Variants in LRRC4C observed in about 807,000 individuals in gnomAD.
LRRC4C encodes the protein leucine-rich repeat-containing protein 4C.
Under a neutral mutation model 33.6 loss-of-function variants are expected in LRRC4C, and 5 were observed. The observed-to-expected ratio is 0.15, with a 90% confidence interval of 0.08 to 0.31. LRRC4C has a LOEUF of 0.31. Among genes scored for constraint, LRRC4C ranks in the 10% least tolerant of loss-of-function variants. The probability of loss-of-function intolerance (pLI) is 1.00; values close to 1 mark genes in which losing one functional copy is unlikely to be tolerated. For synonymous variants in LRRC4C, 329 were observed against 302.0 expected (o/e 1.09, Z -0.93); for missense variants, 560 against 796.7 (o/e 0.70, Z 3.58).
chr11:40,418,727 T>C (rs1950416580), intron 3 of LRRC4C, among the ~76,000 whole-genome samples: 1 of 152,160 alleles, frequency 6.6e-6, no homozygotes, highest in Non-Finnish European at 1.5e-5. Flanking sequence ...CCATCAATGA[T>C]AGACTGGATA....
At chr11:40,163,083 G>A (rs1350809173) in intron 5 of LRRC4C, among the ~76,000 whole-genome samples, 26 of 152,188 alleles carry the variant, frequency 1.7e-4, no homozygotes, top group Non-Finnish European at 1.5e-4. Flanking sequence ...CATGCCATTT[G>A]TCACAGAGCC....
chr11:40,492,040 T>G (rs1343756843), intron 3 of LRRC4C, among the ~76,000 whole-genome samples: 1 of 152,204 alleles, frequency 6.6e-6, no homozygotes, highest in East Asian at 1.9e-4. Context: ...GTCTTGCACA[T>G]ACACCTAATT....
intron 1 of LRRC4C, among the ~76,000 whole-genome samples, chr11:41,355,686 G>A (rs977041339): frequency 4.6e-5 from 7 of 151,722 alleles, no homozygotes; most frequent in Non-Finnish European, 8.8e-5. Flanking sequence ...TATCACATAC[G>A]GTATTTCTAA....
chr11:40,759,230 AT>A (rs1949082511), intron 2 of LRRC4C, among the ~76,000 whole-genome samples: 1 of 147,416 alleles, frequency 6.8e-6, no homozygotes, highest in African/African-American at 2.5e-5. Context: ...CATATATTAT[AT>A]TATATATATT....
At chr11:40,459,724 G>A (rs1021350328) in intron 3 of LRRC4C, among the ~76,000 whole-genome samples, 2 of 152,152 alleles carry the variant, frequency 1.3e-5, no homozygotes, top group Non-Finnish European at 2.9e-5. Context: ...CTCTATTTGG[G>A]AGTCTGAATT....
chr11:40,922,783 G>C (rs1957238621), intron 2 of LRRC4C, among the ~76,000 whole-genome samples: 1 of 152,192 alleles, frequency 6.6e-6, no homozygotes, highest in African/African-American at 2.4e-5. Context: ...ATAGTTGATT[G>C]TGTTGGGTAG....
At chr11:40,299,141 T>A (rs1944652985) in intron 4 of LRRC4C, among the ~76,000 whole-genome samples, 1 of 152,182 alleles carries the variant, frequency 6.6e-6, no homozygotes, top group Non-Finnish European at 1.5e-5. Flanking sequence ...TGGGGTTTGC[T>A]GGAAAGAAAA....
At chr11:41,199,890 G>A (rs996749273) in intron 1 of LRRC4C, among the ~76,000 whole-genome samples, 1 of 152,126 alleles carries the variant, frequency 6.6e-6, no homozygotes, top group African/African-American at 2.4e-5. Context: ...AGAAAGCCCA[G>A]ATAAAATATA....
intron 2 of LRRC4C, among the ~76,000 whole-genome samples, chr11:40,740,926 G>T (rs1010987158): frequency 6.6e-6 from 1 of 151,926 alleles, no homozygotes; most frequent in Non-Finnish European, 1.5e-5. Context: ...AAGACCATTT[G>T]ACTGTAAAAG....
intron 2 of LRRC4C, among the ~76,000 whole-genome samples, chr11:40,883,977 T>C (rs1845275713): frequency 6.6e-6 from 1 of 151,890 alleles, no homozygotes; most frequent in Admixed American, 6.6e-5. Context: ...ACATATGCTA[T>C]GGTGGTTTGC....
Position 40,902,125 on chromosome 11 carries a change from C to T in LRRC4C, c.-407+31510G>A, listed in dbSNP as rs189300759. On this transcript the variant is annotated intron_variant, in intron 2 of 6. Coordinates refer to ENST00000528697, the MANE Select transcript of LRRC4C (RefSeq NM_001258419.2). The stretch of plus-strand genomic sequence containing the variant: ...ATGTTTACATTTTGGAATTTTGTGG[C>T]AACCTTGCATTGAACAATTCGATCG... Among the ~76,000 whole-genome samples, 325 of 151,974 alleles carry T rather than the reference C, an allele frequency of 2.1e-3. 1 individual carries two copies. Among genetic ancestry groups the T allele is most frequent in the African/African-American group, 6.3e-3 (260 of 41,470 alleles).
intron 1 of LRRC4C, among the ~76,000 whole-genome samples, chr11:40,965,489 T>C (rs998788218): frequency 1.3e-5 from 2 of 152,156 alleles, no homozygotes; most frequent in African/African-American, 4.8e-5. Context: ...TTCTAGGGTT[T>C]TTATGGTTTG....
At chr11:40,732,075 T>C (rs887394444) in intron 2 of LRRC4C, among the ~76,000 whole-genome samples, 8 of 151,400 alleles carry the variant, frequency 5.3e-5, no homozygotes, top group African/African-American at 1.7e-4. Flanking sequence ...AAAAACAAAG[T>C]TTAAATGCTT....
rs193065181 is a variant in LRRC4C, at chr11:40,496,201, C to T, written c.-270+151941G>A. Among the ~76,000 whole-genome samples the T allele has an allele frequency of 1.6e-3, 246 of 152,206 alleles. 1 individual carries two copies. The highest frequency in any genetic ancestry group is 1.8e-3 in the Non-Finnish European group (122 of 68,006). ...AGGAAAATAATGATTTCATTTTTAC[C>T]TCCCTGATCTACATGAATTATTTTA... On this transcript the variant is annotated intron_variant, in intron 3 of 6. Coordinates refer to ENST00000528697, the MANE Select transcript of LRRC4C (RefSeq NM_001258419.2).
At chr11:41,150,787 TAAATAAAATA>T (rs145554538) in intron 1 of LRRC4C, among the ~76,000 whole-genome samples, 135,807 of 148,580 alleles carry the variant, frequency 0.91, 62,678 homozygotes, top group East Asian at 0.98. Context: ...AATAAATAAA[TAAATAAAATA>T]AAATAAAATA....
chr11:41,116,730 A>G (rs1043701612), intron 1 of LRRC4C, among the ~76,000 whole-genome samples: 1 of 152,130 alleles, frequency 6.6e-6, no homozygotes, highest in Admixed American at 6.6e-5. Flanking sequence ...TGATATTTTA[A>G]TGTATCATTT....
chr11:40,600,017 C>A (rs1959815236), intron 3 of LRRC4C, among the ~76,000 whole-genome samples: 1 of 152,160 alleles, frequency 6.6e-6, no homozygotes, highest in South Asian at 2.1e-4. Flanking sequence ...ATGGTAAGCC[C>A]AGTGTATTCT....
At chr11:40,817,000 T>G (rs1951732693) in intron 2 of LRRC4C, among the ~76,000 whole-genome samples, 1 of 152,116 alleles carries the variant, frequency 6.6e-6, no homozygotes, top group African/African-American at 2.4e-5. Context: ...GTATGTCTCT[T>G]TTTCCATCGG....
chr11:40,470,070 C>T (rs1023201250), intron 3 of LRRC4C, among the ~76,000 whole-genome samples: 10 of 152,216 alleles, frequency 6.6e-5, no homozygotes, highest in African/African-American at 2.2e-4. Context: ...GTCCCTGACC[C>T]CCATGCCTCC....
Sources: gnomAD v4.1 joint callset for allele counts (sites outside exome capture counted in the v4.1 genomes callset) on GRCh38, gnomAD v4.1.1 for gene constraint, MANE v1.5 for transcripts, NCBI Gene and HGNC (gene_info 2026-07-23, HGNC 2026-07-21) for gene names.